Variants in SYN3 observed in about 807,000 individuals in gnomAD.
SYN3 encodes the protein synapsin-3.
In SYN3, 35 loss-of-function variants were observed where a neutral mutation model predicts 65.8. The observed-to-expected ratio is 0.53, with a 90% CI of 0.41 to 0.70. The LOEUF is 0.70. Among genes scored for constraint, SYN3 ranks in the 30% least tolerant of loss-of-function variants. The pLI, the probability that SYN3 is intolerant of heterozygous loss-of-function variation, is 0.00. For missense variants in SYN3, 680 were observed against 749.0 expected, an observed-to-expected ratio of 0.91 and a Z score of 1.08; for synonymous variants, 270 against 292.9, an observed-to-expected ratio of 0.92 and a Z score of 0.80.
At chr22:32,914,297 C>T (rs2050132910) in intron 4 of SYN3, among the ~76,000 whole-genome samples, 1 of 152,152 alleles carries the variant, frequency 6.6e-6, no homozygotes, top group South Asian at 2.1e-4. Flanking sequence ...AAGTTAAGAG[C>T]ATGGATTTAG....
chr22:32,833,970 C>T (rs1170890069), intron 6 of SYN3: 3 of 471,570 alleles, frequency 6.4e-6, no homozygotes, highest in South Asian at 1.5e-5. Flanking sequence ...GAACTACCCA[C>T]ATGACCATCC....
intron 6 of SYN3, chr22:32,860,712 G>A (rs370043138): frequency 1.3e-5 from 2 of 152,150 alleles, no homozygotes; most frequent in East Asian, 1.9e-4. Context: ...CAAGGGCCTG[G>A]GCACAGGAGG....
intron 4 of SYN3, among the ~76,000 whole-genome samples, chr22:32,925,584 C>A (rs565293645): frequency 3.2e-4 from 49 of 152,244 alleles, no homozygotes; most frequent in African/African-American, 1.1e-3. Flanking sequence ...TCTATTTTTG[C>A]AAAGTGATTC....
At chr22:32,826,763 A>T (rs543280471) in intron 6 of SYN3, among the ~76,000 whole-genome samples, 1 of 152,300 alleles carries the variant, frequency 6.6e-6, no homozygotes, top group East Asian at 1.9e-4. Flanking sequence ...CAGGGCGTCC[A>T]CTATCCAGTC....
At chr22:32,569,454 A>ATCTTC (rs1569047943) in intron 7 of SYN3, among the ~76,000 whole-genome samples, 6 of 142,170 alleles carry the variant, frequency 4.2e-5, no homozygotes, top group African/African-American at 5.3e-5. Flanking sequence ...TATCTTCTCT[A>ATCTTC]TCTATCTAAA....
intron 7 of SYN3, among the ~76,000 whole-genome samples, chr22:32,586,058 A>G (rs895389529): frequency 1.5e-5 from 2 of 137,894 alleles, no homozygotes; most frequent in Non-Finnish European, 3.2e-5. Flanking sequence ...ATATGTGTAT[A>G]TGTATATATG....
chr22:32,792,836 G>A (rs2046351591), intron 6 of SYN3, among the ~76,000 whole-genome samples: 1 of 152,190 alleles, frequency 6.6e-6, no homozygotes, highest in South Asian at 2.1e-4. Flanking sequence ...TGCTGCAAAT[G>A]CCCCAATGAA....
chr22:32,804,289 G>A (rs1051579215), intron 6 of SYN3, among the ~76,000 whole-genome samples: 7 of 152,090 alleles, frequency 4.6e-5, no homozygotes, highest in Non-Finnish European at 1.0e-4. Flanking sequence ...CTTGCCTGCC[G>A]ACCTCCCTCG....
chr22:32,829,680 G>A (rs1224965549), intron 6 of SYN3, among the ~76,000 whole-genome samples: 4 of 152,194 alleles, frequency 2.6e-5, no homozygotes, highest in Admixed American at 6.5e-5. Context: ...GGACAATGCC[G>A]GTCCCCGGGC....
At chr22:32,964,436 A>G (rs1007542115) in intron 3 of SYN3, among the ~76,000 whole-genome samples, 10 of 148,142 alleles carry the variant, frequency 6.8e-5, no homozygotes, top group African/African-American at 2.6e-4. Context: ...AAAAAAAAAA[A>G]AAGAAAGGTC....
intron 7 of SYN3, among the ~76,000 whole-genome samples, chr22:32,553,530 C>A (rs2058446883): frequency 6.6e-6 from 1 of 152,144 alleles, no homozygotes. Context: ...CTGTCTCAGT[C>A]TGAAATGAAT....
At position 32,780,947 on chromosome 22, in the gene SYN3, T is replaced by TTCCTTCCTTCCG. The variant is rs1555958508; in HGVS notation, c.711+83967_711+83968insCGGAAGGAAGGA. Among the ~76,000 whole-genome samples, 398 of 71,070 alleles carry TTCCTTCCTTCCG rather than the reference T, an allele frequency of 5.6e-3. 4 individuals carry two copies. The highest frequency in any genetic ancestry group is 0.019 in the African/African-American group (376 of 19,692). 46.6% of individuals were successfully genotyped at this position (71,070 alleles called of 152,430 possible). Reference sequence around the variant, plus strand: ...TTCCTTCCTTCCTTTCCTTCCTTCCTTCCTTCCTTCCTTCCTTCCTTCCTT... The same window carrying TTCCTTCCTTCCG: ...TTCCTTCCTTCCTTTCCTTCCTTCCTTCCTTCCTTCCGTCCTTCCTTCCTTCCTTCCTTCCTT... On this transcript the variant is annotated intron_variant, in intron 6 of 13. Transcript: ENST00000358763.
intron 1 of SYN3, chr22:33,015,442 C>A: frequency 3.7e-6 from 1 of 270,922 alleles, no homozygotes; most frequent in South Asian, 5.2e-5. Flanking sequence ...CGCTGTTATT[C>A]AGATATCAAC....
At chr22:32,823,945 G>T (rs1446790301) in intron 6 of SYN3, among the ~76,000 whole-genome samples, 1 of 152,084 alleles carries the variant, frequency 6.6e-6, no homozygotes, top group African/African-American at 2.4e-5. Context: ...ATCTTATGAA[G>T]TCAGCACATA....
chr22:32,637,618 TTTTTTC>T (rs1569112536), intron 6 of SYN3, among the ~76,000 whole-genome samples: 1 of 144,370 alleles, frequency 6.9e-6, no homozygotes. Context: ...TAGGTTTTCT[TTTTTTC>T]TTTTTCTTTT....
At position 32,574,986 on chromosome 22, in the gene SYN3, A is replaced by G. The variant is rs578179449; in HGVS notation, c.774+21688T>C. Among the ~76,000 whole-genome samples the G allele has an allele frequency of 3.4e-3, 514 of 152,362 alleles. 1 individual carries two copies. The highest frequency in any genetic ancestry group is 0.012 in the African/African-American group (495 of 41,592). ...TATTCCCTGCTCCTTGCACACTAGC[A>G]GGTGTTTAGGAACAATTTACTGAAT... On this transcript the variant is annotated intron_variant, in intron 7 of 13. Transcript: ENST00000358763.
chr22:32,858,662 C>T (rs922979502), intron 6 of SYN3, among the ~76,000 whole-genome samples: 4 of 152,138 alleles, frequency 2.6e-5, no homozygotes, highest in East Asian at 1.9e-4. Flanking sequence ...GGGCCATTCT[C>T]TCACTTCATC....
chr22:32,709,425 G>C (rs1003288735), intron 6 of SYN3, among the ~76,000 whole-genome samples: 1 of 152,324 alleles, frequency 6.6e-6, no homozygotes, highest in Non-Finnish European at 1.5e-5. Flanking sequence ...AACCCAAGTG[G>C]ATCAGTTGGA....
intron 6 of SYN3, among the ~76,000 whole-genome samples, chr22:32,729,573 A>G (rs374917166): frequency 5.2e-4 from 79 of 152,366 alleles, no homozygotes; most frequent in African/African-American, 1.6e-3. Flanking sequence ...TATTAGTAAG[A>G]GTACTGATGT....
Sources: allele counts gnomAD v4.1 joint callset (sites outside exome capture counted in the v4.1 genomes callset), GRCh38; gene constraint gnomAD v4.1.1; transcripts MANE v1.5; gene names NCBI Gene and HGNC (gene_info 2026-07-23, HGNC 2026-07-21).